The following PLCL1 variants were observed in gnomAD, a reference collection of about 807,000 sequenced individuals.
The protein encoded by PLCL1 is inactive phospholipase C-like protein 1.
PLCL1 carries 41 observed loss-of-function variants against 84.4 expected under a neutral mutation model. The observed-to-expected ratio is 0.49, with a 90% CI of 0.38 to 0.63. PLCL1 has a LOEUF of 0.63. PLCL1 is among the 30% of genes least tolerant of loss of function. PLCL1 has a pLI of 0.00. For missense variants in PLCL1, 1,206 were observed against 1,367.8 expected, an observed-to-expected ratio of 0.88 and a Z score of 1.87; for synonymous variants, 490 against 488.3, an observed-to-expected ratio of 1.00 and a Z score of -0.05.
chr2:198,035,028 CTTAA>C (rs1691524064), intron 1 of PLCL1, among the ~76,000 whole-genome samples: 1 of 152,140 alleles, frequency 6.6e-6, no homozygotes, highest in Non-Finnish European at 1.5e-5. Context: ...CTTGTGTTCA[CTTAA>C]TTAATGTGGT....
chr2:197,978,247 C>A (rs940002437), intron 1 of PLCL1, among the ~76,000 whole-genome samples: 1 of 152,182 alleles, frequency 6.6e-6, no homozygotes, highest in Non-Finnish European at 1.5e-5. Flanking sequence ...GAGGCCGAGG[C>A]GGGCAGATCA....
chr2:197,959,917 C>A (rs553376521), intron 1 of PLCL1, among the ~76,000 whole-genome samples: 2 of 152,010 alleles, frequency 1.3e-5, no homozygotes, highest in Admixed American at 6.6e-5. Flanking sequence ...CTCTTGTAGG[C>A]GTTTAAGTTT....
intron 1 of PLCL1, among the ~76,000 whole-genome samples, chr2:197,908,996 A>T (rs746939998): frequency 6.6e-6 from 1 of 152,228 alleles, no homozygotes. Context: ...GAGAGGAGTC[A>T]CTCAAGGACC....
intron 5 of PLCL1, among the ~76,000 whole-genome samples, chr2:198,136,570 C>T (rs1694260599): frequency 6.6e-6 from 1 of 152,040 alleles, no homozygotes; most frequent in Admixed American, 6.6e-5. Flanking sequence ...TTTATTCCTT[C>T]ATCACTCCTG....
At chr2:198,067,900 G>A (rs1692357736) in intron 1 of PLCL1, among the ~76,000 whole-genome samples, 2 of 152,184 alleles carry the variant, frequency 1.3e-5, no homozygotes, top group Non-Finnish European at 2.9e-5. Flanking sequence ...GGTTCTTAAA[G>A]TAATAATGAA....
Position 198,147,374 on chromosome 2 carries a change from C to A in PLCL1, c.*412C>A, listed in dbSNP as rs987459186. 6.5e-6 allele frequency: 1 copy of A among 152,934 alleles called. No individual in the cohort carries two copies. Among genetic ancestry groups the A allele is most frequent in the Non-Finnish European group, 1.5e-5 (1 of 68,488 alleles). 9.5% of individuals were successfully genotyped at this position (152,934 alleles called of 1,614,324 possible). On this transcript the variant is annotated 3_prime_UTR_variant, in exon 6 of 6. Transcript: ENST00000428675. ...AAATTCTAAAGAGCACTTACTGTAA[C>A]CTGTTGCTGTGTTTAATTTGACTTC...
intron 1 of PLCL1, among the ~76,000 whole-genome samples, chr2:197,976,027 C>A (rs1316031789): frequency 5.9e-5 from 9 of 151,922 alleles, no homozygotes; most frequent in Admixed American, 5.9e-4. Flanking sequence ...TTAACTTTTC[C>A]CTTAATATTT....
At chr2:197,902,144 G>C (rs962653788) in intron 1 of PLCL1, among the ~76,000 whole-genome samples, 1 of 152,120 alleles carries the variant, frequency 6.6e-6, no homozygotes, top group African/African-American at 2.4e-5. Context: ...TCCAGAGACT[G>C]TTGGGGCACT....
intron 1 of PLCL1, among the ~76,000 whole-genome samples, chr2:197,941,337 C>T (rs1361734794): frequency 6.6e-6 from 1 of 151,718 alleles, no homozygotes; most frequent in African/African-American, 2.4e-5. Context: ...TGTTGCCCAG[C>T]CTGGAGTGCA....
chr2:197,894,480 G>C (rs1440131241), intron 1 of PLCL1, among the ~76,000 whole-genome samples: 1 of 151,934 alleles, frequency 6.6e-6, no homozygotes, highest in Non-Finnish European at 1.5e-5. Flanking sequence ...GAAGAGAAGG[G>C]GTGCTGGATT....
intron 1 of PLCL1, among the ~76,000 whole-genome samples, chr2:197,863,657 T>G (rs1182976279): frequency 6.6e-6 from 1 of 152,186 alleles, no homozygotes; most frequent in Non-Finnish European, 1.5e-5. Context: ...TATCATAGAT[T>G]ACTGTATAAA....
intron 1 of PLCL1, among the ~76,000 whole-genome samples, chr2:198,024,693 G>A (rs1208485509): frequency 6.6e-6 from 1 of 151,692 alleles, no homozygotes; most frequent in Non-Finnish European, 1.5e-5. Flanking sequence ...AACCCAGGAG[G>A]CAGAGGTTGC....
chr2:198,003,237 AT>A (rs886348776), intron 1 of PLCL1, among the ~76,000 whole-genome samples: 126 of 152,208 alleles, frequency 8.3e-4, no homozygotes, highest in African/African-American at 2.8e-3. Flanking sequence ...CTACTTTACA[AT>A]TTTTTTTAAT....
chr2:198,033,863 A>T (rs971060019), intron 1 of PLCL1, among the ~76,000 whole-genome samples: 1 of 151,960 alleles, frequency 6.6e-6, no homozygotes, highest in Non-Finnish European at 1.5e-5. Context: ...CTGACTGTGC[A>T]TTAGAATTGC....
intron 5 of PLCL1, among the ~76,000 whole-genome samples, chr2:198,117,806 A>G (rs925516601): frequency 1.6e-4 from 25 of 151,806 alleles, no homozygotes; most frequent in African/African-American, 6.1e-4. Context: ...AACAATGTAT[A>G]TTGTGTATCC....
At chr2:197,859,483 G>A (rs139641717) in intron 1 of PLCL1, among the ~76,000 whole-genome samples, 132 of 151,944 alleles carry the variant, frequency 8.7e-4, no homozygotes, top group African/African-American at 3.0e-3. Flanking sequence ...AAAATGTCTT[G>A]CCTTTTTCAG....
chr2:197,978,890 A>G (rs144479381), intron 1 of PLCL1, among the ~76,000 whole-genome samples: 2 of 152,334 alleles, frequency 1.3e-5, no homozygotes, highest in East Asian at 1.9e-4. Context: ...GAGAAAACCC[A>G]TGCAGATATG....
chr2:197,805,264 G>A lies in PLCL1; in HGVS notation c.165G>A (p.Ala55=), dbSNP rs1193633974. The A allele has an allele frequency of 7.8e-7, 1 of 1,275,884 alleles. No homozygotes were observed. The highest frequency in any genetic ancestry group is 9.9e-7 in the Non-Finnish European group (1 of 1,012,776). 79.0% of individuals were successfully genotyped at this position (1,275,884 alleles called of 1,614,324 possible). ...GCGGGGTCGCACTGCCAGGCGCCGC[G>A]GGGACCCCAGCGGACAGCGAGGCGG... ...RRSGVALPGA[A]GTPADSEAGL... The change falls in exon 1 of 6, where the codon GCG becomes GCA. Residue 55 remains alanine, a synonymous_variant. Transcript: ENST00000428675. The surrounding 1 kb of genome is among the most constrained non-coding windows in gnomAD (Gnocchi z 4.0).
chr2:197,820,248 T>C (rs1690789064), intron 1 of PLCL1, among the ~76,000 whole-genome samples: 1 of 152,100 alleles, frequency 6.6e-6, no homozygotes, highest in South Asian at 2.1e-4. Context: ...AACTTACATG[T>C]CAGCAACCCC....
Sources: gnomAD v4.1 joint callset for allele counts (sites outside exome capture counted in the v4.1 genomes callset) on GRCh38, gnomAD v4.1.1 for gene constraint, Gnocchi (gnomAD v3.1) non-coding constraint, MANE v1.5 for transcripts, NCBI Gene and HGNC (gene_info 2026-07-23, HGNC 2026-07-21) for gene names.